The following LIN9 variants were observed in gnomAD, a reference collection of about 807,000 sequenced individuals.
LIN9 encodes the protein protein lin-9 homolog.
A neutral mutation model predicts 78.0 loss-of-function variants in LIN9; 18 were observed. The ratio of observed to expected loss-of-function variants is 0.23; its 90% CI spans 0.16 to 0.34. The LOEUF (loss-of-function observed/expected upper bound fraction) is 0.34. Among genes scored for constraint, LIN9 ranks in the 10% least tolerant of loss-of-function variants. The pLI is 1.00. For synonymous variants in LIN9, 192 were observed against 215.2 expected (o/e 0.89, Z 0.94); for missense variants, 451 against 644.1 (o/e 0.70, Z 3.25).
intron 4 of LIN9, among the ~76,000 whole-genome samples, chr1:226,289,334 TTG>T (rs549091384): frequency 6.7e-5 from 10 of 150,062 alleles, no homozygotes; most frequent in Non-Finnish European, 1.2e-4. Context: ...TAAACCAATT[TTG>T]TGTGTGTGTG....
At chr1:226,290,587 A>G (rs909990337) in intron 4 of LIN9, among the ~76,000 whole-genome samples, 3 of 151,844 alleles carry the variant, frequency 2.0e-5, no homozygotes, top group South Asian at 4.1e-4. Flanking sequence ...TGATCCGCCC[A>G]CCTCGGCCTC....
chr1:226,272,249 T>A (rs1243680384), intron 7 of LIN9, among the ~76,000 whole-genome samples: 2 of 151,922 alleles, frequency 1.3e-5, no homozygotes, highest in Non-Finnish European at 2.9e-5. Context: ...GGAGACGGGG[T>A]TTCACCATGT....
chr1:226,309,656 T>C, upstream of LIN9: 2 of 1,280,446 alleles, frequency 1.6e-6, no homozygotes, highest in Non-Finnish European at 2.0e-6. Context: ...CTTGGGCGCC[T>C]CCGTCCCCTC....
chr1:226,286,467 C>G lies in LIN9; in HGVS notation c.399-9G>C, dbSNP rs757857748. The G allele has an allele frequency of 9.1e-6, 14 of 1,545,090 alleles. No individual in the cohort carries two copies. The highest frequency in any genetic ancestry group is 2.8e-5 in the African/African-American group (2 of 72,134). On this transcript the variant is annotated splice_polypyrimidine_tract_variant and intron_variant, in intron 5 of 14. Coordinates refer to ENST00000681046, the MANE Select transcript of LIN9 (RefSeq NM_001366245.2). ...CACCTTCAAAAAGTGGTCTGTAAAACAGATATAGTATTTTAATGGTTACAT... is the reference window on the plus strand; with the variant it reads ...CACCTTCAAAAAGTGGTCTGTAAAAGAGATATAGTATTTTAATGGTTACAT...
chr1:226,249,073 GT>G (rs1658665746), intron 11 of LIN9, among the ~76,000 whole-genome samples: 1 of 152,212 alleles, frequency 6.6e-6, no homozygotes, highest in South Asian at 2.1e-4. Flanking sequence ...GGCAAGCCCA[GT>G]GCTTTAAAGC....
chr1:226,306,866 A>C (rs1662952266), intron 1 of LIN9, among the ~76,000 whole-genome samples: 1 of 152,202 alleles, frequency 6.6e-6, no homozygotes. Context: ...ATTCCATAAA[A>C]ATTATTTATG....
At chr1:226,304,719 G>A (rs1662792626) in intron 1 of LIN9, among the ~76,000 whole-genome samples, 1 of 152,142 alleles carries the variant, frequency 6.6e-6, no homozygotes, top group Admixed American at 6.5e-5. Context: ...AGGGGTGACT[G>A]TGCTTGCATA....
chr1:226,293,438 T>C (rs1661919717), intron 4 of LIN9, among the ~76,000 whole-genome samples: 1 of 152,268 alleles, frequency 6.6e-6, no homozygotes, highest in South Asian at 2.1e-4. Flanking sequence ...CCTAGTAACA[T>C]AGCTATTCCA....
chr1:226,301,928 G>A (rs1662557450), intron 1 of LIN9, among the ~76,000 whole-genome samples: 1 of 152,130 alleles, frequency 6.6e-6, no homozygotes, highest in Non-Finnish European at 1.5e-5. Context: ...AATTCACTGG[G>A]TATGGGGGCA....
Position 226,258,894 on chromosome 1 carries a change from C to CAAA in LIN9, c.1038+6636_1038+6638dup, listed in dbSNP as rs770169450. Among the ~76,000 whole-genome samples, 336 of 54,776 alleles carry CAAA rather than the reference C, an allele frequency of 6.1e-3. 69 individuals are homozygous for CAAA. Among genetic ancestry groups the CAAA allele is most frequent in the African/African-American group, 0.019 (245 of 12,758 alleles). 35.9% of individuals were successfully genotyped at this position (54,776 alleles called of 152,430 possible). ...GTGACAGAGCAAGACTCTGTCTCAACAAAAAAAAAAAAAAAAAAAAAAAAA... is the reference window on the plus strand; with the variant it reads ...GTGACAGAGCAAGACTCTGTCTCAACAAAAAAAAAAAAAAAAAAAAAAAAAAAA... On this transcript the variant is annotated intron_variant, in intron 10 of 14. Transcript: ENST00000681046.
At chr1:226,291,350 C>G (rs1366780891) in intron 4 of LIN9, among the ~76,000 whole-genome samples, 1 of 151,560 alleles carries the variant, frequency 6.6e-6, no homozygotes, top group Non-Finnish European at 1.5e-5. Context: ...TCAACATGGC[C>G]AGATCTCAAA....
At chr1:226,284,269 C>A (rs1483200365) in intron 6 of LIN9, among the ~76,000 whole-genome samples, 3 of 152,050 alleles carry the variant, frequency 2.0e-5, no homozygotes, top group African/African-American at 2.4e-5. Flanking sequence ...ATTCATTTTT[C>A]TATTTATGCA....
At chr1:226,236,606 C>T (rs1207594051) in intron 12 of LIN9, among the ~76,000 whole-genome samples, 9 of 152,132 alleles carry the variant, frequency 5.9e-5, no homozygotes, top group Admixed American at 5.9e-4. Context: ...CAGGCGCCCG[C>T]CACCACGCCC....
chr1:226,254,708 G>A (rs904911860), intron 10 of LIN9, among the ~76,000 whole-genome samples: 4 of 151,750 alleles, frequency 2.6e-5, no homozygotes, highest in African/African-American at 7.3e-5. Context: ...TCAGGAGATC[G>A]AGACCATCCT....
chr1:226,288,341 T>A (rs754900118), intron 4 of LIN9, among the ~76,000 whole-genome samples: 54 of 152,146 alleles, frequency 3.5e-4, no homozygotes, highest in Non-Finnish European at 6.8e-4. Flanking sequence ...TATCGTAATA[T>A]TAAAAGACGA....
At chr1:226,289,846 T>TG (rs1553283370) in intron 4 of LIN9, among the ~76,000 whole-genome samples, 527 of 16,230 alleles carry the variant, frequency 0.032, 36 homozygotes, top group African/African-American at 0.093. Flanking sequence ...GGGGGGGGGG[T>TG]GGGGGGGGGT....
chr1:226,307,714 C>T (rs1376003858), intron 1 of LIN9, among the ~76,000 whole-genome samples: 1 of 152,346 alleles, frequency 6.6e-6, no homozygotes. Flanking sequence ...TGGTCAATAG[C>T]TGTGCCCTAC....
chr1:226,276,493 C>T (rs1660668081), intron 7 of LIN9, among the ~76,000 whole-genome samples: 1 of 152,128 alleles, frequency 6.6e-6, no homozygotes, highest in African/African-American at 2.4e-5. Context: ...AATCTAGTCT[C>T]TCCTAGATAA....
upstream of LIN9, chr1:226,309,691 A>C: frequency 4.7e-6 from 6 of 1,286,490 alleles, no homozygotes; most frequent in Non-Finnish European, 6.1e-6. Flanking sequence ...CGCCGGCCGC[A>C]GCAGCCCCCT....
Sources: gnomAD v4.1 joint callset for allele counts (sites outside exome capture counted in the v4.1 genomes callset) on GRCh38, gnomAD v4.1.1 for gene constraint, MANE v1.5 for transcripts, NCBI Gene and HGNC (gene_info 2026-07-23, HGNC 2026-07-21) for gene names.